The following MARK4 variants were observed in gnomAD, a reference collection of about 807,000 sequenced individuals.
MARK4 encodes microtubule affinity regulating kinase 4.
In MARK4, 19 loss-of-function variants were observed where a neutral mutation model predicts 81.5. That is an observed-to-expected ratio of 0.23 (90% CI 0.16 to 0.34). MARK4 has a LOEUF of 0.34. Ranked by LOEUF, MARK4 falls within the 10% of genes least tolerant of loss-of-function variation. The pLI is 1.00. For synonymous variants in MARK4, 436 were observed against 439.0 expected, an observed-to-expected ratio of 0.99 and a Z score of 0.08; for missense variants, 772 against 1,058.8, an observed-to-expected ratio of 0.73 and a Z score of 3.76.
intron 8 of MARK4, among the ~76,000 whole-genome samples, chr19:45,272,323 C>A (rs1970539509): frequency 6.6e-6 from 1 of 152,082 alleles, no homozygotes; most frequent in Admixed American, 6.5e-5. Context: ...CAGAGGGAGA[C>A]CCTGTCTCCA....
At chr19:45,269,252 G>T (rs747171521) in intron 7 of MARK4, among the ~76,000 whole-genome samples, 2 of 152,132 alleles carry the variant, frequency 1.3e-5, no homozygotes, top group Non-Finnish European at 2.9e-5. Flanking sequence ...GGTTGTGGGC[G>T]CCTGTAGTCC....
intron 7 of MARK4, among the ~76,000 whole-genome samples, chr19:45,270,488 G>A (rs1970511658): frequency 6.6e-6 from 1 of 152,124 alleles, no homozygotes; most frequent in Non-Finnish European, 1.5e-5. Flanking sequence ...TTTCTGCTGG[G>A]TAACTTGAGG....
chr19:45,300,847 G>C (rs1040299711), intron 16 of MARK4, among the ~76,000 whole-genome samples: 2 of 152,050 alleles, frequency 1.3e-5, no homozygotes, highest in African/African-American at 4.8e-5. Context: ...CTGGTCATGT[G>C]GTCACCCTTG....
chr19:45,284,400 G>A (rs1321146079), intron 12 of MARK4, among the ~76,000 whole-genome samples: 2 of 150,838 alleles, frequency 1.3e-5, no homozygotes, highest in Non-Finnish European at 2.9e-5. Flanking sequence ...TTGGCTCACT[G>A]CAAGCTCCAC....
At chr19:45,275,843 A>G (rs544465390) in intron 8 of MARK4, among the ~76,000 whole-genome samples, 96 of 152,330 alleles carry the variant, frequency 6.3e-4, no homozygotes, top group Admixed American at 2.0e-3. Flanking sequence ...CTAAGGGGTA[A>G]GTGTCCTGAA....
chr19:45,263,468 G>T, intron 4 of MARK4, 101 bp downstream of exon 4: 2 of 1,463,924 alleles, frequency 1.4e-6, no homozygotes, highest in African/African-American at 1.4e-5. Context: ...CCCACCAGGC[G>T]CAGTGGCTCA....
chr19:45,281,373 T>G (rs554456346), intron 12 of MARK4, among the ~76,000 whole-genome samples: 59 of 149,374 alleles, frequency 3.9e-4, no homozygotes, highest in Non-Finnish European at 7.4e-4. Flanking sequence ...CTTTCTTTTT[T>G]TTTTTGAGAC....
intron 12 of MARK4, among the ~76,000 whole-genome samples, chr19:45,285,975 T>C (rs946617731): frequency 2.0e-5 from 3 of 152,232 alleles, no homozygotes; most frequent in African/African-American, 7.2e-5. Context: ...TTGGAAAGGA[T>C]AGACAGTGAA....
In MARK4 at chr19:45,287,511, G is replaced by A. The variant is rs768617616; in HGVS notation, c.1341G>A (p.Leu447=). ...CGACGAGCACGGGGGAGGCGGAGCT[G>A]AAGGAGGAGCGGCTGCCAGGCCGGA... ...RSPTSTGEAE[L]KEERLPGRKA... is the part of the protein sequence containing the mutation. Residue 447 remains leucine, a synonymous_variant, in exon 13 of 17, where the codon CTG becomes CTA. Transcript: ENST00000262891. The A allele has an allele frequency of 1.5e-5, 24 of 1,551,950 alleles. No homozygotes were observed. Among genetic ancestry groups the A allele is most frequent in the Non-Finnish European group, 2.1e-5 (24 of 1,146,272 alleles).
At chr19:45,280,294 C>A in intron 10 of MARK4, 80 bp from the exon 11 acceptor site, 1 of 1,262,882 alleles carries the variant, frequency 7.9e-7, no homozygotes, top group Non-Finnish European at 1.2e-6. Context: ...AGAGTGACAC[C>A]CTGTCTCAAA....
chr19:45,258,478 A>G (rs6509202), intron 1 of MARK4, among the ~76,000 whole-genome samples: 66,585 of 151,856 alleles, frequency 0.44, 15,930 homozygotes, highest in Non-Finnish European at 0.55. Flanking sequence ...AGGCAGGTGG[A>G]TCACCTGAGT....
Position 45,287,504 on chromosome 19 carries a change from CGGAGCT to C in MARK4, c.1336_1341del (p.Glu446_Leu447del). On this transcript the variant is annotated inframe_deletion, in exon 13 of 17. Transcript: ENST00000262891. ...CGCAGCCCGACGAGCACGGGGGAGG[CGGAGCT>C]GAAGGAGGAGCGGCTGCCAGGCCGG... 1 of 1,537,500 alleles carries C rather than the reference CGGAGCT, an allele frequency of 6.5e-7. No individual in the cohort carries two copies. Among genetic ancestry groups the C allele is most frequent in the Non-Finnish European group, 8.8e-7 (1 of 1,138,736 alleles).
chr19:45,279,292 A>G (rs955700187), intron 10 of MARK4, among the ~76,000 whole-genome samples: 2 of 151,102 alleles, frequency 1.3e-5, no homozygotes, highest in African/African-American at 2.4e-5. Context: ...TGAGGCTGAC[A>G]GATCACCTGA....
chr19:45,271,619 G>A lies in MARK4; in HGVS notation c.697G>A (p.Asp233Asn), dbSNP rs773367969. Residue 233 changes from aspartate (D) to asparagine (N), a missense_variant, in exon 8 of 17, where the codon GAC (aspartate) becomes AAC (asparagine). Physicochemically the swap from Asp to Asn is conservative, Grantham distance 23 (BLOSUM62 1). Coordinates refer to ENST00000262891, the MANE Select transcript of MARK4 (RefSeq NM_001199867.2). This position sits in a 1 kb window ranked among gnomAD's most constrained non-coding sequence, Gnocchi z 4.1. ...APELFQGKKY[D>N]GPEVDIWSLG... is the part of the protein sequence containing the mutation. ...GGAGCTGTTTCAGGGCAAGAAGTAC[G>A]ACGGGCCGGAGGTGGACATCTGGAG... 60 of 1,614,108 alleles carry A rather than the reference G, an allele frequency of 3.7e-5. No individual in the cohort carries two copies. The highest frequency in any genetic ancestry group is 5.3e-5 in the African/African-American group (4 of 74,928).
chr19:45,276,378 A>G (rs1169931306), intron 8 of MARK4, among the ~76,000 whole-genome samples: 3 of 152,154 alleles, frequency 2.0e-5, no homozygotes, highest in African/African-American at 7.2e-5. Flanking sequence ...CTGCCAAGCT[A>G]TGGATTTATC....
chr19:45,261,918 A>T lies in MARK4; in HGVS notation c.253-1195A>T, dbSNP rs553418130. Among the ~76,000 whole-genome samples, 4 of 149,588 alleles carry T rather than the reference A, an allele frequency of 2.7e-5. No individual in the cohort carries two copies. In the East Asian group the frequency reaches 7.7e-4, roughly 29 times the overall value. On this transcript the variant is annotated intron_variant, in intron 2 of 16. Transcript: ENST00000262891. ...ATTGCACTCCAGCCTGAGCAACAAG[A>T]GGGAAACTCTGTCTCAAAAAAAAAA...
intron 3 of MARK4, 45 bp from the exon 4 acceptor site, chr19:45,263,274 C>T: frequency 6.2e-7 from 1 of 1,614,068 alleles, no homozygotes. Flanking sequence ...TCCCCCAAGC[C>T]ACCCACCCTC....
intron 12 of MARK4, among the ~76,000 whole-genome samples, chr19:45,283,239 C>T (rs1457326853): frequency 1.3e-5 from 2 of 151,774 alleles, no homozygotes; most frequent in Non-Finnish European, 2.9e-5. Flanking sequence ...GAAACCCCAT[C>T]TCCACTATAA....
chr19:45,304,749 A>T lies in MARK4; in HGVS notation c.*2039A>T, dbSNP rs1971027281. 6.5e-6 allele frequency: 1 copy of T among 152,684 alleles called. No individual in the cohort carries two copies. The highest frequency in any genetic ancestry group is 2.4e-5 in the African/African-American group (1 of 41,446). 9.5% of individuals were successfully genotyped at this position (152,684 alleles called of 1,614,324 possible). On this transcript the variant is annotated 3_prime_UTR_variant, in exon 17 of 17. Coordinates refer to ENST00000262891, the MANE Select transcript of MARK4 (RefSeq NM_001199867.2). ...GGAGTCCAGAGGTGATGCCTGCCTC[A>T]GCCAGGGAGGGCTTCCTGGAGGAGA...
Sources: gnomAD v4.1 joint callset for allele counts (sites outside exome capture counted in the v4.1 genomes callset) on GRCh38, gnomAD v4.1.1 for gene constraint, Gnocchi (gnomAD v3.1) non-coding constraint, MANE v1.5 for transcripts, NCBI Gene and HGNC (gene_info 2026-07-23, HGNC 2026-07-21) for gene names.